TSC22D2: variants seen among roughly 807,000 people sequenced by gnomAD.
TSC22D2 encodes TSC22 domain family member 2.
TSC22D2 carries 5 observed loss-of-function variants against 50.1 expected under a neutral mutation model. The ratio of observed to expected loss-of-function variants is 0.10; its 90% confidence interval spans 0.05 to 0.21. TSC22D2 has a LOEUF of 0.21. TSC22D2 is among the 10% of genes least tolerant of loss of function. The pLI, the probability that TSC22D2 is intolerant of heterozygous loss-of-function variation, is 1.00. For missense variants in TSC22D2, 1,003 were observed against 1,015.5 expected, an observed-to-expected ratio of 0.99 and a Z score of 0.17; for synonymous variants, 501 against 450.1, an observed-to-expected ratio of 1.11 and a Z score of -1.43.
At chr3:150,442,546 G>A (rs531187879) in intron 1 of TSC22D2, among the ~76,000 whole-genome samples, 17 of 152,144 alleles carry the variant, frequency 1.1e-4, no homozygotes, top group Admixed American at 5.9e-4. Flanking sequence ...AAATTATTAC[G>A]GCAAGTTATT....
chr3:150,449,224 C>G (rs1720970048), intron 1 of TSC22D2, among the ~76,000 whole-genome samples: 1 of 152,144 alleles, frequency 6.6e-6, no homozygotes, highest in Admixed American at 6.5e-5. Context: ...TCCTTTCTCC[C>G]TTTCCTATTT....
intron 1 of TSC22D2, among the ~76,000 whole-genome samples, chr3:150,455,122 T>G (rs1235732490): frequency 6.6e-6 from 1 of 152,214 alleles, no homozygotes; most frequent in Non-Finnish European, 1.5e-5. Flanking sequence ...ATTCAATCTT[T>G]CCTTGTCATG....
rs1160552968 is a variant in TSC22D2, at chr3:150,461,344, T to G, written c.*2708T>G. 5 of 152,204 alleles carry G rather than the reference T, an allele frequency of 3.3e-5. No homozygotes were observed. Among genetic ancestry groups the G allele is most frequent in the Admixed American group, 6.5e-5 (1 of 15,280 alleles). 9.4% of individuals were successfully genotyped at this position (152,204 alleles called of 1,614,324 possible). ...AACTTCCAATTCAGCTTTGGAGATT[T>G]AGTCTCCTGCTCCAAATAGTTGTAA... is the stretch of plus-strand genomic sequence containing the variant. On this transcript the variant is annotated 3_prime_UTR_variant, in exon 3 of 3. Transcript: ENST00000688009.
intron 1 of TSC22D2, among the ~76,000 whole-genome samples, chr3:150,422,197 T>G (rs1720033492): frequency 1.3e-5 from 2 of 152,222 alleles, no homozygotes. Context: ...TGGCAAAGTT[T>G]TTTTGGCTTC....
chr3:150,431,164 G>A (rs989481589), intron 1 of TSC22D2, among the ~76,000 whole-genome samples: 5 of 139,728 alleles, frequency 3.6e-5, no homozygotes, highest in Admixed American at 7.6e-5. Flanking sequence ...GGCAGAGCTT[G>A]CAGTGAGCCG....
At position 150,458,792 on chromosome 3, in the gene TSC22D2, C is replaced by G. The variant is rs1721278265; in HGVS notation, c.*156C>G. Reference sequence around the variant, plus strand: ...CAATCATTCTACAAGAGCTTTTCCTCTCTCTGAGATGTCATGCAGCGCTGT... The same window carrying G: ...CAATCATTCTACAAGAGCTTTTCCTGTCTCTGAGATGTCATGCAGCGCTGT... On this transcript the variant is annotated 3_prime_UTR_variant, in exon 3 of 3. Transcript: ENST00000688009. The G allele has an allele frequency of 2.2e-6, 2 of 913,342 alleles. No individual in the cohort carries two copies. Among genetic ancestry groups the G allele is most frequent in the Non-Finnish European group, 1.6e-6 (1 of 608,818 alleles). 56.6% of individuals were successfully genotyped at this position (913,342 alleles called of 1,614,324 possible). A position where few individuals can be genotyped will look rare whatever the true frequency, so the allele number is the denominator to read the frequency against.
rs17854330 is a variant in TSC22D2, at chr3:150,409,485, C to T, written c.135C>T (p.Ser45=). ...ACGAGTCACGCACAGAGGACGTCTC[C>T]TCCGAGATTTTCGACGTCTCTCGGG... ...DPDESRTEDV[S]SEIFDVSRAT... The change falls in exon 1 of 3, where the codon TCC becomes TCT. Residue 45 remains serine, a synonymous_variant. Transcript: ENST00000688009. The surrounding 1 kb of genome is among the most constrained non-coding windows in gnomAD (Gnocchi z 7.4). The T allele has an allele frequency of 6.2e-7, 1 of 1,613,300 alleles. No individual in the cohort carries two copies. Among genetic ancestry groups the T allele is most frequent in the African/African-American group, 1.3e-5 (1 of 75,028 alleles).
chr3:150,421,061 C>T (rs573817814), intron 1 of TSC22D2, among the ~76,000 whole-genome samples: 35 of 152,054 alleles, frequency 2.3e-4, no homozygotes, highest in Middle Eastern at 3.2e-3. Context: ...CCAGCCTGAG[C>T]GACAAGAGTG....
intron 1 of TSC22D2, 152 bp downstream of exon 1, chr3:150,411,460 G>A: frequency 1.2e-6 from 1 of 827,806 alleles, no homozygotes. Flanking sequence ...GATTGCTGAT[G>A]CTGATGTCAA....
At position 150,409,760 on chromosome 3, in the gene TSC22D2, C is replaced by G. The variant is rs1327371434; in HGVS notation, c.410C>G (p.Pro137Arg). The G allele has an allele frequency of 1.9e-6, 3 of 1,601,842 alleles. No individual in the cohort carries two copies. The highest frequency in any genetic ancestry group is 1.7e-5 in the Admixed American group (1 of 59,916). Residue 137 changes from proline to arginine, a missense_variant, in exon 1 of 3, where the codon CCC (proline) becomes CGC (arginine). This residue lies in a region of TSC22D2 where 200 missense variants were observed against 182.8 expected (regional missense o/e 1.09). Coordinates refer to ENST00000688009, the MANE Select transcript of TSC22D2 (RefSeq NM_001303264.2). This position sits in a 1 kb window ranked among gnomAD's most constrained non-coding sequence, Gnocchi z 7.4. ...CCCGCCCCCGGAGCACCCGGCGGCC[C>G]CCAGCTCGCGGGCTCATCCGCCGGG... ...SAPAPGAPGG[P>R]QLAGSSAGPV...
chr3:150,410,305 C>G lies in TSC22D2; in HGVS notation c.955C>G (p.Pro319Ala). ...AQPSQPQGAG[P>A]GGQTLPPTNV... is the part of the protein sequence containing the mutation. ...GCCCAGCCAGCCCCAGGGAGCGGGGCCCGGGGGACAGACTCTGCCGCCGAC... is the reference window on the plus strand; with the variant it reads ...GCCCAGCCAGCCCCAGGGAGCGGGGGCCGGGGGACAGACTCTGCCGCCGAC... The change falls in exon 1 of 3, where the codon CCC (proline) becomes GCC (alanine). Residue 319 changes from proline (P) to alanine (A), a missense_variant. Physicochemically the swap from Pro to Ala is conservative, Grantham distance 27 (BLOSUM62 -1). Around this residue, in one of 6 missense-constraint regions of TSC22D2, gnomAD observed 696 missense variants for 647.8 expected, o/e 1.07. Transcript: ENST00000688009. 1 of 1,567,620 alleles carries G rather than the reference C, an allele frequency of 6.4e-7. No individual in the cohort carries two copies. The highest frequency in any genetic ancestry group is 8.6e-7 in the Non-Finnish European group (1 of 1,156,262).
chr3:150,438,995 T>G (rs1316777734), intron 1 of TSC22D2, among the ~76,000 whole-genome samples: 4 of 152,158 alleles, frequency 2.6e-5, no homozygotes, highest in African/African-American at 9.6e-5. Context: ...TTATTTTGCT[T>G]TGTTTTACAC....
intron 1 of TSC22D2, among the ~76,000 whole-genome samples, chr3:150,456,800 T>TAATA (rs1381029513): frequency 7.9e-5 from 12 of 152,208 alleles, no homozygotes; most frequent in African/African-American, 2.9e-4. Flanking sequence ...GAGAAATTCT[T>TAATA]AATACAATTG....
intron 1 of TSC22D2, chr3:150,423,293 A>G: frequency 2.3e-6 from 1 of 436,380 alleles, no homozygotes; most frequent in Middle Eastern, 4.9e-4. Context: ...TCTATTTTAT[A>G]TAGAAAATAA....
rs1272835982 is a variant in TSC22D2 at position 150,460,979 on chromosome 3, G to A, written c.*2343G>A. 1 of 152,150 alleles carries A rather than the reference G, an allele frequency of 6.6e-6. No individual in the cohort carries two copies. The highest frequency in any genetic ancestry group is 2.4e-5 in the African/African-American group (1 of 41,432). The allele number at this position is 152,150 out of a possible 1,614,324, so 9.4% of individuals were successfully genotyped here. A position where few individuals can be genotyped will look rare whatever the true frequency, so the allele number is the denominator to read the frequency against. On this transcript the variant is annotated 3_prime_UTR_variant, in exon 3 of 3. Coordinates refer to ENST00000688009, the MANE Select transcript of TSC22D2 (RefSeq NM_001303264.2). ...TGGGTAGTTCACAGAAGAGATAAAT[G>A]GCAGTTTCTAAAGGTTCAACCTCTA...
chr3:150,436,874 A>G (rs1720562127), intron 1 of TSC22D2, among the ~76,000 whole-genome samples: 1 of 152,234 alleles, frequency 6.6e-6, no homozygotes, highest in South Asian at 2.1e-4. Context: ...AATCTGTAAC[A>G]GCATGACCCA....
intron 1 of TSC22D2, among the ~76,000 whole-genome samples, chr3:150,456,483 C>T (rs767845055): frequency 6.6e-5 from 10 of 151,948 alleles, no homozygotes; most frequent in East Asian, 1.9e-4. Flanking sequence ...CCACCACGCC[C>T]GGCTGAATGT....
At chr3:150,417,555 A>G (rs1452458794) in intron 1 of TSC22D2, among the ~76,000 whole-genome samples, 1 of 152,270 alleles carries the variant, frequency 6.6e-6, no homozygotes, top group Non-Finnish European at 1.5e-5. Flanking sequence ...TCTAACTGCT[A>G]CATTTGACTT....
At position 150,410,090 on chromosome 3, in the gene TSC22D2, C is replaced by T; in HGVS notation, c.740C>T (p.Thr247Ile). Residue 247 changes from threonine (T) to isoleucine (I), a missense_variant, in exon 1 of 3, where the codon ACT (threonine) becomes ATT (isoleucine). Thr to Ile is a moderately conservative substitution (Grantham distance 89). This residue lies in a region of TSC22D2 where 696 missense variants were observed against 647.8 expected (regional missense o/e 1.07). Coordinates refer to ENST00000688009, the MANE Select transcript of TSC22D2 (RefSeq NM_001303264.2). Reference protein sequence around the residue: ...GPESGTDSSLTAVSQLPPSEK... With the variant: ...GPESGTDSSLIAVSQLPPSEK... Reference sequence around the variant, plus strand: ...GAGTCGGGAACTGACAGCTCCTTGACTGCTGTGTCACAGCTACCCCCGTCG... The same window carrying T: ...GAGTCGGGAACTGACAGCTCCTTGATTGCTGTGTCACAGCTACCCCCGTCG... The T allele has an allele frequency of 6.2e-7, 1 of 1,612,928 alleles. No homozygotes were observed. Among genetic ancestry groups the T allele is most frequent in the Non-Finnish European group, 8.5e-7 (1 of 1,180,004 alleles).
Sources: allele counts gnomAD v4.1 joint callset (sites outside exome capture counted in the v4.1 genomes callset), GRCh38; gene constraint gnomAD v4.1.1; regional missense constraint gnomAD v4.1.1; non-coding constraint Gnocchi (gnomAD v3.1); transcripts MANE v1.5; gene names NCBI Gene and HGNC (gene_info 2026-07-23, HGNC 2026-07-21).